NKX6-1: variants seen among roughly 807,000 people sequenced by gnomAD.
The protein encoded by NKX6-1 is NK6 homeobox 1.
In NKX6-1, 11 loss-of-function variants were observed where a neutral mutation model predicts 24.9. The ratio of observed to expected loss-of-function variants is 0.44; its 90% CI spans 0.28 to 0.73. The LOEUF (loss-of-function observed/expected upper bound fraction) is 0.73. NKX6-1 is among the 30% of genes least tolerant of loss of function. The pLI, the probability that NKX6-1 is intolerant of heterozygous loss-of-function variation, is 0.15. For synonymous variants in NKX6-1, 277 were observed against 242.9 expected, an observed-to-expected ratio of 1.14 and a Z score of -1.31; for missense variants, 487 against 502.9, an observed-to-expected ratio of 0.97 and a Z score of 0.30.
chr4:84,494,338 C>T (rs369461809), intron 2 of NKX6-1, among the ~76,000 whole-genome samples: 170 of 152,246 alleles, frequency 1.1e-3, no homozygotes, highest in African/African-American at 3.9e-3. Context: ...TCTATTCTTT[C>T]AAATGTTATT....
At chr4:84,495,637 G>A (rs1225552143) in intron 2 of NKX6-1, 35 bp downstream of exon 2, 7 of 1,593,592 alleles carry the variant, frequency 4.4e-6, no homozygotes, top group South Asian at 3.3e-5. Context: ...GACAGGGGCG[G>A]TACCTATCCC....
Position 84,499,069 on chromosome 4 carries a change from T to C in NKX6-1, c.-841A>G, listed in dbSNP as rs1720892729. On this transcript the variant is annotated 5_prime_UTR_variant, in exon 1 of 3. Transcript: ENST00000295886. ...TCGGCGCCGCTCGTCAGTCCACTTCTGCAAACGGGCCCGGCGACCCCCGCC... is the reference window on the plus strand; with the variant it reads ...TCGGCGCCGCTCGTCAGTCCACTTCCGCAAACGGGCCCGGCGACCCCCGCC... 6.6e-6 allele frequency among the ~76,000 whole-genome samples: 1 copy of C among 152,240 alleles called. No homozygotes were observed. The highest frequency in any genetic ancestry group is 2.4e-5 in the African/African-American group (1 of 41,472).
At chr4:84,495,617 A>ACGCG (rs1720802109) in intron 2 of NKX6-1, 55 bp downstream of exon 2, 2 of 1,478,884 alleles carry the variant, frequency 1.4e-6, no homozygotes, top group East Asian at 2.3e-5. Flanking sequence ...CCATGTGTGC[A>ACGCG]CGCGCGCGCG....
At chr4:84,494,633 C>G (rs1560616066) in intron 2 of NKX6-1, among the ~76,000 whole-genome samples, 1 of 152,164 alleles carries the variant, frequency 6.6e-6, no homozygotes, top group Non-Finnish European at 1.5e-5. Flanking sequence ...GCAGTAGGCT[C>G]TGTACCAACC....
intron 1 of NKX6-1, among the ~76,000 whole-genome samples, chr4:84,496,285 G>C (rs1319105525): frequency 6.6e-6 from 1 of 151,722 alleles, no homozygotes; most frequent in East Asian, 1.9e-4. Context: ...CTGTGTCCAG[G>C]CAACAAAGGG....
Position 84,497,599 on chromosome 4 carries a change from C to G in NKX6-1, c.630G>C (p.Gln210His), listed in dbSNP as rs1720845686. The G allele has an allele frequency of 2.4e-6, 3 of 1,275,902 alleles. No homozygotes were observed. The highest frequency in any genetic ancestry group is 6.7e-5 in the South Asian group (2 of 30,036). The allele number at this position is 1,275,902 out of a possible 1,614,324, so 79.0% of individuals were successfully genotyped here. A position where few individuals can be genotyped will look rare whatever the true frequency, so the allele number is the denominator to read the frequency against. ...RTPIFWPGVM[Q>H]SPPWRDARLA... ...GGCGTGCGTCCCTCCAGGGCGGGCTCTGCATCACTCCGGGCCAGAAGATGG... is the reference window on the plus strand; with the variant it reads ...GGCGTGCGTCCCTCCAGGGCGGGCTGTGCATCACTCCGGGCCAGAAGATGG... Residue 210 changes from glutamine to histidine, a missense_variant, in exon 1 of 3, where the codon CAG becomes CAC. Physicochemically the swap from Gln to His is conservative, Grantham distance 24 (BLOSUM62 0). This residue lies in a region of NKX6-1 where 316 missense variants were observed against 311.4 expected (regional missense o/e 1.01). Coordinates refer to ENST00000295886, the MANE Select transcript of NKX6-1 (RefSeq NM_006168.3). The surrounding 1 kb of genome is among the most constrained non-coding windows in gnomAD (Gnocchi z 4.8).
rs1239152719 is a variant in NKX6-1, at chr4:84,499,117, T to G, written c.-889A>C. Among the ~76,000 whole-genome samples, 2 of 151,474 alleles carry G rather than the reference T, an allele frequency of 1.3e-5. No homozygotes were observed. The highest frequency in any genetic ancestry group is 2.4e-5 in the African/African-American group (1 of 41,274). ...GCCCCACCCCCGCTCCCTCTCTCCC[T>G]CTCACTCTCAGCCTTTGACTCTCCT... On this transcript the variant is annotated 5_prime_UTR_variant, in exon 1 of 3. Transcript: ENST00000295886.
Position 84,493,320 on chromosome 4 carries a change from A to G in NKX6-1, c.1073T>C (p.Leu358Pro), listed in dbSNP as rs1720761055. The change falls in exon 3 of 3, where the codon CTG becomes CCG. Residue 358 changes from leucine to proline, a missense_variant. This residue lies in a region of NKX6-1 where 126 missense variants were observed against 105.5 expected (regional missense o/e 1.19). Transcript: ENST00000295886. The surrounding 1 kb of genome is among the most constrained non-coding windows in gnomAD (Gnocchi z 5.1). ...TGAGCTCTCCGGCTCGGACGCGTGC[A>G]GTAGGAGGCCGCCGCCGCCGCCGCT... ...SSSGGGGGLL[L>P]HASEPESSS 1 of 1,605,028 alleles carries G rather than the reference A, an allele frequency of 6.2e-7. No individual in the cohort carries two copies. The highest frequency in any genetic ancestry group is 1.4e-5 in the African/African-American group (1 of 73,124).
rs1176486306 is a variant in NKX6-1 at position 84,498,744 on chromosome 4, G to A, written c.-516C>T. 6.6e-6 allele frequency among the ~76,000 whole-genome samples: 1 copy of A among 152,170 alleles called. No homozygotes were observed. The highest frequency in any genetic ancestry group is 1.5e-5 in the Non-Finnish European group (1 of 68,034). On this transcript the variant is annotated 5_prime_UTR_variant, in exon 1 of 3. Transcript: ENST00000295886. ...CGTGGCGCTCCTCTGATCTTACTGG[G>A]ATGCTCTGCTCTTTCGGTCGCGCGG...
intron 2 of NKX6-1, 100 bp downstream of exon 2, chr4:84,495,568 CTGTT>C (rs1720800710): frequency 3.8e-6 from 4 of 1,040,344 alleles, no homozygotes; most frequent in Admixed American, 2.3e-5. Flanking sequence ...TCCCAGGCGA[CTGTT>C]TGTTAGTTTG....
Position 84,493,451 on chromosome 4 carries a change from C to T in NKX6-1, c.942G>A (p.Lys314=), listed in dbSNP as rs200968120. 11 of 1,614,274 alleles carry T rather than the reference C, an allele frequency of 6.8e-6. No individual in the cohort carries two copies. In the East Asian group the frequency reaches 1.3e-4, roughly 20 times the overall value. The change falls in exon 3 of 3, where the codon AAG becomes AAA. Residue 314 remains lysine (K), a synonymous_variant. Transcript: ENST00000295886. This position sits in a 1 kb window ranked among gnomAD's most constrained non-coding sequence, Gnocchi z 5.1. ...CCTCTTCCTCGTTCTCCGAGGCCCC[C>T]TTGAGGCGCTCTGTCTCCGAGTCCT... The part of the protein sequence containing the change: ...KKQDSETERL[K]GASENEEEDD...
chr4:84,495,014 G>T (rs1366321222), intron 2 of NKX6-1, among the ~76,000 whole-genome samples: 2 of 152,100 alleles, frequency 1.3e-5, no homozygotes, highest in Non-Finnish European at 2.9e-5. Flanking sequence ...ATTATAAATT[G>T]TTGTCATGAA....
Position 84,497,806 on chromosome 4 carries a change from CGCGGCGGCGGCAGAG to C in NKX6-1, c.408_422del (p.Ser137_Ala141del). The C allele has an allele frequency of 7.9e-7, 1 of 1,262,722 alleles. No individual in the cohort carries two copies. Among genetic ancestry groups the C allele is most frequent in the Non-Finnish European group, 9.9e-7 (1 of 1,005,798 alleles). The allele number at this position is 1,262,722 out of a possible 1,614,324, so 78.2% of individuals were successfully genotyped here. On this transcript the variant is annotated inframe_deletion, in exon 1 of 3. Coordinates refer to ENST00000295886, the MANE Select transcript of NKX6-1 (RefSeq NM_006168.3). The surrounding 1 kb of genome is among the most constrained non-coding windows in gnomAD (Gnocchi z 4.8). ...CGGCGGCTGCGGCCGCGGCAGCAGC[CGCGGCGGCGGCAGAG>C]GCGGAGGAGGCAGAGGCGGACGAGG...
At chr4:84,495,135 C>G (rs1720792553) in intron 2 of NKX6-1, among the ~76,000 whole-genome samples, 1 of 152,172 alleles carries the variant, frequency 6.6e-6, no homozygotes, top group Admixed American at 6.5e-5. Flanking sequence ...AAAGCGATTG[C>G]CTTAAGCTAA....
Position 84,497,260 on chromosome 4 carries a change from C to G in NKX6-1, c.670+299G>C, listed in dbSNP as rs1414745873. On this transcript the variant is annotated intron_variant, in intron 1 of 2. Transcript: ENST00000295886. The surrounding 1 kb of genome is among the most constrained non-coding windows in gnomAD (Gnocchi z 4.8). ...TTTCAGGAACAGCCAGGGCCTCGGA[C>G]GAGACACACGTCCCTCACCGCGTTG... Among the ~76,000 whole-genome samples, 1 of 152,102 alleles carries G rather than the reference C, an allele frequency of 6.6e-6. No individual in the cohort carries two copies. Among genetic ancestry groups the G allele is most frequent in the Admixed American group, 6.5e-5 (1 of 15,286 alleles).
rs548651076 is a variant in NKX6-1 at position 84,492,455 on chromosome 4, G to C, written c.*834C>G. The C allele has an allele frequency of 1.3e-5, 2 of 151,570 alleles. No individual in the cohort carries two copies. The highest frequency in any genetic ancestry group is 3.9e-4 in the East Asian group (2 of 5,074). The allele number at this position is 151,570 out of a possible 1,614,324, so 9.4% of individuals were successfully genotyped here. A position where few individuals can be genotyped will look rare whatever the true frequency, so the allele number is the denominator to read the frequency against. On this transcript the variant is annotated 3_prime_UTR_variant, in exon 3 of 3. Coordinates refer to ENST00000295886, the MANE Select transcript of NKX6-1 (RefSeq NM_006168.3). ...CTTCCACTTCAAGTCCGGGGGGCGG[G>C]AGCGCAGTGTAGATCCAGGGGGTGG...
In NKX6-1 at chr4:84,497,759, A is replaced by G. The variant is rs1173834243; in HGVS notation, c.470T>C (p.Leu157Pro). ...AAAASSPAGL[L>P]AGLPRFSSLS... is the part of the protein sequence containing the mutation. ...GCTGCTAAAGCGTGGCAGTCCGGCC[A>G]GCAGCCCCGCCGGGGATGAGGCGGC... The change falls in exon 1 of 3, where the codon CTG becomes CCG. Residue 157 changes from leucine to proline, a missense_variant. Leu to Pro is a moderately conservative substitution (Grantham distance 98). Around this residue, in one of 3 missense-constraint regions of NKX6-1, gnomAD observed 316 missense variants for 311.4 expected, o/e 1.01. Coordinates refer to ENST00000295886, the MANE Select transcript of NKX6-1 (RefSeq NM_006168.3). This position sits in a 1 kb window ranked among gnomAD's most constrained non-coding sequence, Gnocchi z 4.8. 10 of 1,276,280 alleles carry G rather than the reference A, an allele frequency of 7.8e-6. No homozygotes were observed. The highest frequency in any genetic ancestry group is 1.6e-5 in the African/African-American group (1 of 64,448). 79.1% of individuals were successfully genotyped at this position (1,276,280 alleles called of 1,614,324 possible).
rs1720848547 is a variant in NKX6-1, at chr4:84,497,726, G to T, written c.503C>A (p.Pro168Gln). 1 of 1,258,506 alleles carries T rather than the reference G, an allele frequency of 7.9e-7. No homozygotes were observed. The highest frequency in any genetic ancestry group is 3.1e-5 in the East Asian group (1 of 31,780). The allele number at this position is 1,258,506 out of a possible 1,614,324, so 78.0% of individuals were successfully genotyped here. ...GTAGAGCCCGGGCGGCGGCGGCGGC[G>T]GGCTCAGGCTGCTAAAGCGTGGCAG... ...AGLPRFSSLS[P>Q]PPPPPGLYFS... is the part of the protein sequence containing the mutation. Residue 168 changes from proline to glutamine, a missense_variant, in exon 1 of 3, where the codon CCG becomes CAG. This residue lies in a region of NKX6-1 where 316 missense variants were observed against 311.4 expected (regional missense o/e 1.01). Transcript: ENST00000295886. The surrounding 1 kb of genome is among the most constrained non-coding windows in gnomAD (Gnocchi z 4.8).
chr4:84,493,893 T>G lies in NKX6-1; in HGVS notation c.844-344A>C, dbSNP rs1220707379. ...GTGAGTTCACTTTCCTGCCTTCCAG[T>G]TTGAAGTTGAAAACTTTCCCCCTTC... is the stretch of plus-strand genomic sequence containing the variant. On this transcript the variant is annotated intron_variant, in intron 2 of 2. Transcript: ENST00000295886. This position sits in a 1 kb window ranked among gnomAD's most constrained non-coding sequence, Gnocchi z 5.1. 6.6e-6 allele frequency among the ~76,000 whole-genome samples: 1 copy of G among 152,198 alleles called. No individual in the cohort carries two copies. Among genetic ancestry groups the G allele is most frequent in the Non-Finnish European group, 1.5e-5 (1 of 68,044 alleles).
Sources: gnomAD v4.1 joint callset for allele counts (sites outside exome capture counted in the v4.1 genomes callset) on GRCh38, gnomAD v4.1.1 for gene constraint, gnomAD v4.1.1 regional missense constraint, Gnocchi (gnomAD v3.1) non-coding constraint, MANE v1.5 for transcripts, NCBI Gene and HGNC (gene_info 2026-07-23, HGNC 2026-07-21) for gene names.